Variants in NAMPT observed in about 807,000 individuals in gnomAD.
NAMPT encodes NAmPRTase.
NAMPT carries 7 observed loss-of-function variants against 58.7 expected under a neutral mutation model. The ratio of observed to expected loss-of-function variants is 0.12; its 90% confidence interval spans 0.07 to 0.22. NAMPT has a LOEUF of 0.22. Ranked by LOEUF, NAMPT falls within the 10% of genes least tolerant of loss-of-function variation. The pLI is 1.00. For synonymous variants in NAMPT, 145 were observed against 198.1 expected, an observed-to-expected ratio of 0.73 and a Z score of 2.25; for missense variants, 271 against 567.9, an observed-to-expected ratio of 0.48 and a Z score of 5.31.
chr7:106,276,261 G>A (rs1792639494), intron 2 of NAMPT: 1 of 152,146 alleles, frequency 6.6e-6, no homozygotes, highest in Non-Finnish European at 1.5e-5. Context: ...CATGTATAAT[G>A]TGTTTGGGAA....
At chr7:106,282,008 A>G (rs1247931004) in intron 1 of NAMPT, among the ~76,000 whole-genome samples, 1 of 152,118 alleles carries the variant, frequency 6.6e-6, no homozygotes, top group Non-Finnish European at 1.5e-5. Context: ...AACAAAACAT[A>G]ATGGAAAAAT....
At chr7:106,267,936 G>A (rs1021877247) in intron 6 of NAMPT, among the ~76,000 whole-genome samples, 3 of 139,302 alleles carry the variant, frequency 2.2e-5, no homozygotes, top group Non-Finnish European at 4.6e-5. Context: ...AGTTTAGATT[G>A]TAATTTCTTT....
chr7:106,270,399 T>C (rs1447399825), intron 4 of NAMPT: 4 of 254,954 alleles, frequency 1.6e-5, no homozygotes, highest in Non-Finnish European at 2.7e-5. Flanking sequence ...CTAAGTGATA[T>C]ATAAATAAAA....
chr7:106,260,099 T>C (rs1562813563), intron 8 of NAMPT, among the ~76,000 whole-genome samples: 1 of 152,210 alleles, frequency 6.6e-6, no homozygotes, highest in East Asian at 1.9e-4. Context: ...TATCCACTAA[T>C]GAGAGTTAGC....
chr7:106,281,601 C>T (rs1792765526), intron 1 of NAMPT, among the ~76,000 whole-genome samples: 1 of 152,164 alleles, frequency 6.6e-6, no homozygotes, highest in Non-Finnish European at 1.5e-5. Context: ...TGCTTCAAAG[C>T]TAATGTGCTA....
intron 6 of NAMPT, 120 bp from the exon 7 acceptor site, chr7:106,263,737 T>C (rs879911077): frequency 7.2e-5 from 56 of 774,308 alleles, no homozygotes; most frequent in Non-Finnish European, 1.1e-4. Context: ...AGAAGGTGAG[T>C]GACTTAGTTT....
At chr7:106,285,281 C>A, upstream of NAMPT, 2 of 731,288 alleles carry the variant, frequency 2.7e-6, no homozygotes, top group Non-Finnish European at 3.4e-6. Flanking sequence ...AAGCTGGAGG[C>A]AGCGGGGCAG....
intron 6 of NAMPT, among the ~76,000 whole-genome samples, chr7:106,267,839 TCAAAAAAAAAA>T (rs1562815886): frequency 3.1e-5 from 1 of 32,648 alleles, no homozygotes; most frequent in African/African-American, 1.9e-4. Context: ...AGACTCCGTC[TCAAAAAAAAAA>T]AAAAAAAAAA....
At chr7:106,278,143 T>C (rs1318905618) in intron 1 of NAMPT, among the ~76,000 whole-genome samples, 2 of 152,206 alleles carry the variant, frequency 1.3e-5, no homozygotes, top group Non-Finnish European at 2.9e-5. Flanking sequence ...CTGTTTAGCT[T>C]TGATCTCAAG....
At chr7:106,251,265 A>T in intron 10 of NAMPT, 72 bp from the exon 11 acceptor site, 1 of 963,644 alleles carries the variant, frequency 1.0e-6, no homozygotes, top group Non-Finnish European at 1.7e-6. Context: ...TTGATGAATT[A>T]GACTAACCAA....
chr7:106,261,457 G>T, intron 8 of NAMPT, 131 bp downstream of exon 8: 1 of 728,876 alleles, frequency 1.4e-6, no homozygotes, highest in African/African-American at 1.8e-5. Context: ...TTTAAGCAAT[G>T]CACAGAGATT....
chr7:106,284,899 CAG>C lies in NAMPT; in HGVS notation c.-17_-16del. On this transcript the variant is annotated 5_prime_UTR_variant, in exon 1 of 11. Coordinates refer to ENST00000222553, the MANE Select transcript of NAMPT (RefSeq NM_005746.3). ...GCAGGATTCATCTCGGGCCGGAGGA[CAG>C]GGGCCGCGCGCCGCGAGCTCCCTGG... 6.3e-7 allele frequency: 1 copy of C among 1,578,528 alleles called. No individual in the cohort carries two copies. The highest frequency in any genetic ancestry group is 8.6e-7 in the Non-Finnish European group (1 of 1,161,414).
chr7:106,284,902 G>C lies in NAMPT; in HGVS notation c.-18C>G. 6.3e-6 allele frequency: 10 copies of C among 1,577,384 alleles called. No individual in the cohort carries two copies. The highest frequency in any genetic ancestry group is 2.3e-5 in the East Asian group (1 of 43,064). On this transcript the variant is annotated 5_prime_UTR_variant, in exon 1 of 11. Coordinates refer to ENST00000222553, the MANE Select transcript of NAMPT (RefSeq NM_005746.3). ...GGATTCATCTCGGGCCGGAGGACAG[G>C]GGCCGCGCGCCGCGAGCTCCCTGGC...
chr7:106,272,710 C>T lies in NAMPT; in HGVS notation c.319-52G>A, dbSNP rs1792559460. The T allele has an allele frequency of 2.5e-6, 4 of 1,592,694 alleles. No homozygotes were observed. The East Asian group carries it at 9.0e-5, about 36-fold the overall frequency. On this transcript the variant is annotated intron_variant, in intron 3 of 10. Transcript: ENST00000222553. ...TTATTCAACAGATGATACTCAATTC[C>T]CTGCTGTTTTACTAAAGGTTCTTTA...
At chr7:106,276,602 G>A (rs918857178) in intron 2 of NAMPT, 1 of 162,888 alleles carries the variant, frequency 6.1e-6, no homozygotes. Flanking sequence ...CAGCACTTTG[G>A]TGGGCCGAGA....
chr7:106,267,446 A>G (rs1792434407), intron 6 of NAMPT, among the ~76,000 whole-genome samples: 1 of 152,170 alleles, frequency 6.6e-6, no homozygotes, highest in South Asian at 2.1e-4. Flanking sequence ...TGGTTTTAGC[A>G]CTCTGCAATT....
Position 106,248,933 on chromosome 7 carries a change from G to T in NAMPT, c.*2150C>A, listed in dbSNP as rs960350832. The T allele has an allele frequency of 4.6e-5, 7 of 152,010 alleles. No individual in the cohort carries two copies. Among genetic ancestry groups the T allele is most frequent in the Non-Finnish European group, 2.9e-5 (2 of 67,922 alleles). The allele number at this position is 152,010 out of a possible 1,614,324, so 9.4% of individuals were successfully genotyped here. On this transcript the variant is annotated 3_prime_UTR_variant, in exon 11 of 11. Transcript: ENST00000222553. ...TCTCCATCTCCTGATTTATGGTTGT[G>T]AACAAAGAGATAGCTTTTTTCACTG...
In NAMPT at chr7:106,263,404, G is replaced by A; in HGVS notation, c.957C>T (p.Asp319=). Residue 319 remains aspartate (D), a synonymous_variant, in exon 7 of 11, where the codon GAC becomes GAT. Transcript: ENST00000222553. ...TATGAAAATTTACCTTTAACACAGTGTCAAGAGGGTTTCCAGAATCAGGTC... is the reference window on the plus strand; with the variant it reads ...TATGAAAATTTACCTTTAACACAGTATCAAGAGGGTTTCCAGAATCAGGTC... ...IIRPDSGNPL[D]TVLKVLEILG... is the part of the protein sequence containing the mutation. The A allele has an allele frequency of 6.3e-7, 1 of 1,596,880 alleles. No homozygotes were observed. The highest frequency in any genetic ancestry group is 8.6e-7 in the Non-Finnish European group (1 of 1,164,988).
chr7:106,265,616 G>A (rs1792395742), intron 6 of NAMPT, among the ~76,000 whole-genome samples: 1 of 145,130 alleles, frequency 6.9e-6, no homozygotes, highest in South Asian at 2.2e-4. Flanking sequence ...TCCAGTATCT[G>A]TATCTTAGCC....
Sources: gnomAD v4.1 joint callset for allele counts (sites outside exome capture counted in the v4.1 genomes callset) on GRCh38, gnomAD v4.1.1 for gene constraint, MANE v1.5 for transcripts, NCBI Gene and HGNC (gene_info 2026-07-23, HGNC 2026-07-21) for gene names.